The following FBLN7 variants were observed in gnomAD, a reference collection of about 807,000 sequenced individuals.
FBLN7 encodes the protein fibulin-7.
A neutral mutation model predicts 44.0 loss-of-function variants in FBLN7; 31 were observed. The observed-to-expected ratio is 0.70, with a 90% CI of 0.53 to 0.95. The LOEUF is 0.95. FBLN7 is among the 40% of genes least tolerant of loss of function. The pLI, the probability that FBLN7 is intolerant of heterozygous loss-of-function variation, is 0.00. For synonymous variants in FBLN7, 262 were observed against 253.4 expected, an observed-to-expected ratio of 1.03 and a Z score of -0.32; for missense variants, 573 against 618.5, an observed-to-expected ratio of 0.93 and a Z score of 0.78.
the FBLN7 span, among the ~76,000 whole-genome samples, chr2:112,242,177 T>C: frequency 6.6e-6 from 1 of 152,214 alleles, no homozygotes; most frequent in African/African-American, 2.4e-5. Flanking sequence ...CTGGAGTCAG[T>C]GAACTACAAC....
chr2:112,181,814 A>G lies in FBLN7; in HGVS notation c.608A>G (p.Gln203Arg). The G allele has an allele frequency of 6.6e-7, 1 of 1,512,340 alleles. No homozygotes were observed. Among genetic ancestry groups the G allele is most frequent in the East Asian group, 2.7e-5 (1 of 37,464 alleles). The allele number at this position is 1,512,340 out of a possible 1,614,324, so 93.7% of individuals were successfully genotyped here. ...CGCTGTGCGCAGGTGGAGCGGGCTC[A>G]GCACTGCAGCTGCGAGGCCGGATTC... ...APRCAQVERAQHCSCEAGFHL... is the reference protein window; with the variant it reads ...APRCAQVERARHCSCEAGFHL... Residue 203 changes from glutamine (Q) to arginine (R), a missense_variant, in exon 5 of 8, where the codon CAG becomes CGG. By Grantham distance (43) the Gln-to-Arg change is conservative. Coordinates refer to ENST00000331203, the MANE Select transcript of FBLN7 (RefSeq NM_153214.3).
At chr2:112,139,315 C>T (rs1482829454) in intron 1 of FBLN7, among the ~76,000 whole-genome samples, 7 of 688 alleles carry the variant, frequency 0.01, no homozygotes, top group Non-Finnish European at 0.018. Context: ...TCTCTCCAGG[C>T]CAGCGTCCCT....
At chr2:112,169,995 C>T (rs1380973227) in intron 3 of FBLN7, among the ~76,000 whole-genome samples, 1 of 152,136 alleles carries the variant, frequency 6.6e-6, no homozygotes, top group Non-Finnish European at 1.5e-5. Context: ...AATCCTAGCA[C>T]TTTGGGAGGC....
At chr2:112,157,373 A>T (rs77398841) in intron 1 of FBLN7, among the ~76,000 whole-genome samples, 149 of 151,388 alleles carry the variant, frequency 9.8e-4, no homozygotes, top group Admixed American at 1.7e-3. Flanking sequence ...CTATCTCATT[A>T]AAAAAAAATT....
At chr2:112,165,867 G>C (rs921590845) in intron 3 of FBLN7, among the ~76,000 whole-genome samples, 1 of 152,144 alleles carries the variant, frequency 6.6e-6, no homozygotes, top group African/African-American at 2.4e-5. Context: ...AAATCTGTTG[G>C]CTTTTCAAAA....
At chr2:112,173,641 AACTT>A (rs1421910638) in intron 3 of FBLN7, among the ~76,000 whole-genome samples, 1 of 152,248 alleles carries the variant, frequency 6.6e-6, no homozygotes, top group Non-Finnish European at 1.5e-5. Context: ...AGTAAGATGA[AACTT>A]ACTTACGTGA....
the FBLN7 span, among the ~76,000 whole-genome samples, chr2:112,209,261 G>T: frequency 6.6e-6 from 1 of 152,144 alleles, no homozygotes; most frequent in Non-Finnish European, 1.5e-5. Flanking sequence ...GCTGAAACAG[G>T]CTACCTTTCC....
At chr2:112,147,191 A>G (rs1045016118) in intron 1 of FBLN7, among the ~76,000 whole-genome samples, 1 of 152,150 alleles carries the variant, frequency 6.6e-6, no homozygotes, top group African/African-American at 2.4e-5. Flanking sequence ...ACTTCTGGAA[A>G]GTTTTAACTA....
the FBLN7 span, among the ~76,000 whole-genome samples, chr2:112,197,278 G>C: frequency 0.36 from 20,193 of 55,700 alleles, 1,683 homozygotes; most frequent in East Asian, 0.45. Context: ...CACACACAGA[G>C]AGAGAGAGAG....
chr2:112,165,370 A>C (rs1013266691), intron 3 of FBLN7, among the ~76,000 whole-genome samples, 199 bp downstream of exon 3: 1 of 152,116 alleles, frequency 6.6e-6, no homozygotes, highest in African/African-American at 2.4e-5. Flanking sequence ...TGAGCTCACT[A>C]TATCTTCACA....
intron 1 of FBLN7, among the ~76,000 whole-genome samples, chr2:112,141,666 C>T (rs1042695786): frequency 1.3e-5 from 2 of 152,202 alleles, no homozygotes; most frequent in African/African-American, 4.8e-5. Flanking sequence ...ATGCCAGAAG[C>T]ATAGGTGGGT....
chr2:112,153,079 T>C (rs552038211), intron 1 of FBLN7: 1 of 152,218 alleles, frequency 6.6e-6, no homozygotes, highest in Admixed American at 6.5e-5. Context: ...GCACCCACTT[T>C]CTCTCCTCAT....
the FBLN7 span, chr2:112,215,907 TAGTA>T: frequency 2.6e-5 from 4 of 152,204 alleles, no homozygotes; most frequent in Admixed American, 1.3e-4. Flanking sequence ...TTATTTATAA[TAGTA>T]AGAAACTGGA....
the FBLN7 span, among the ~76,000 whole-genome samples, chr2:112,241,889 A>G: frequency 6.6e-6 from 1 of 152,204 alleles, no homozygotes; most frequent in South Asian, 2.1e-4. Flanking sequence ...ATTTTATTTT[A>G]TACACTTAAA....
chr2:112,163,237 G>A (rs114054986), intron 2 of FBLN7, among the ~76,000 whole-genome samples: 1 of 152,198 alleles, frequency 6.6e-6, no homozygotes, highest in Non-Finnish European at 1.5e-5. Context: ...CCTGCCAGCT[G>A]CACTCCTGGA....
At chr2:112,160,095 A>G (rs1008688995) in intron 2 of FBLN7, among the ~76,000 whole-genome samples, 2 of 152,092 alleles carry the variant, frequency 1.3e-5, no homozygotes, top group Middle Eastern at 3.4e-3. Context: ...GGTTCACGCC[A>G]TTCTCCTGCC....
Position 112,138,666 on chromosome 2 carries a change from G to A in FBLN7, c.11G>A (p.Ser4Asn). Residue 4 changes from serine (S) to asparagine (N), a missense_variant, in exon 1 of 8, where the codon AGC (serine) becomes AAC (asparagine). Coordinates refer to ENST00000331203, the MANE Select transcript of FBLN7 (RefSeq NM_153214.3). ...ATTCCGACTGGCAAGATGGTGCCCA[G>A]CTCTCCGCGCGCGCTCTTCCTTCTG... MVP[S>N]SPRALFLLLL... 1.2e-6 allele frequency: 2 copies of A among 1,613,754 alleles called. No individual in the cohort carries two copies. The highest frequency in any genetic ancestry group is 2.7e-5 in the African/African-American group (2 of 74,990).
At chr2:112,177,735 CTTCT>C (rs1682799474) in intron 4 of FBLN7, 1 of 152,174 alleles carries the variant, frequency 6.6e-6, no homozygotes, top group South Asian at 2.1e-4. Flanking sequence ...ACCATTCATT[CTTCT>C]TTCTGTCTCT....
Position 112,138,586 on chromosome 2 carries a change from C to T in FBLN7, c.-70C>T. 6.2e-7 allele frequency: 1 copy of T among 1,605,470 alleles called. No individual in the cohort carries two copies. The highest frequency in any genetic ancestry group is 8.5e-7 in the Non-Finnish European group (1 of 1,175,116). On this transcript the variant is annotated 5_prime_UTR_variant, in exon 1 of 8. Coordinates refer to ENST00000331203, the MANE Select transcript of FBLN7 (RefSeq NM_153214.3). ...CACCCTGCAGGGACGGCTGCCGCATCGCTGGGACAAACTCGGCAGCGGAGG... is the reference window on the plus strand; with the variant it reads ...CACCCTGCAGGGACGGCTGCCGCATTGCTGGGACAAACTCGGCAGCGGAGG...
Sources: gnomAD v4.1 joint callset for allele counts (sites outside exome capture counted in the v4.1 genomes callset) on GRCh38, gnomAD v4.1.1 for gene constraint, MANE v1.5 for transcripts, NCBI Gene and HGNC (gene_info 2026-07-23, HGNC 2026-07-21) for gene names.